GRIN2A: variants seen among roughly 807,000 people sequenced by gnomAD.
The protein encoded by GRIN2A is glutamate ionotropic receptor NMDA type subunit 2A, also known as glutamate receptor ionotropic, NMDA 2A.
A neutral mutation model predicts 113.4 loss-of-function variants in GRIN2A; 22 were observed. That is an observed-to-expected ratio of 0.19 (90% CI 0.14 to 0.28). The LOEUF is 0.28. GRIN2A is among the 10% of genes least tolerant of loss of function. GRIN2A has a pLI of 1.00. For missense variants in GRIN2A, 1,502 were observed against 1,887.0 expected (o/e 0.80, Z 3.78); for synonymous variants, 827 against 738.4 (o/e 1.12, Z -1.94).
chr16:9,883,206 A>C (rs767470591), intron 4 of GRIN2A, among the ~76,000 whole-genome samples: 22 of 152,172 alleles, frequency 1.4e-4, no homozygotes, highest in Admixed American at 5.2e-4. Flanking sequence ...ATGAATGTAA[A>C]ATTGTCATCA....
At chr16:9,918,909 A>G (rs77791614) in intron 3 of GRIN2A, among the ~76,000 whole-genome samples, 1 of 152,136 alleles carries the variant, frequency 6.6e-6, no homozygotes, top group African/African-American at 2.4e-5. Flanking sequence ...GCGGTGGCTC[A>G]TGCCTGTAAT....
chr16:9,910,654 C>T (rs1246115490), intron 3 of GRIN2A, among the ~76,000 whole-genome samples: 1 of 151,120 alleles, frequency 6.6e-6, no homozygotes, highest in African/African-American at 2.4e-5. Context: ...TCTCCTGCCT[C>T]AGCCTCCTGA....
At chr16:9,974,187 T>G (rs1426954832) in intron 2 of GRIN2A, among the ~76,000 whole-genome samples, 1 of 152,188 alleles carries the variant, frequency 6.6e-6, no homozygotes, top group Non-Finnish European at 1.5e-5. Context: ...CACATTGTTT[T>G]ATACGGTTTT....
intron 12 of GRIN2A, among the ~76,000 whole-genome samples, chr16:9,768,498 G>A (rs1484574138): frequency 6.6e-6 from 1 of 152,200 alleles, no homozygotes; most frequent in East Asian, 1.9e-4. Flanking sequence ...AGCAGGAGTT[G>A]AGGATGGCTG....
At chr16:10,014,564 A>G (rs566507533) in intron 2 of GRIN2A, among the ~76,000 whole-genome samples, 1 of 152,340 alleles carries the variant, frequency 6.6e-6, no homozygotes, top group Admixed American at 6.5e-5. Flanking sequence ...GTCTAGCAGG[A>G]CAGACAGAGG....
Position 10,004,491 on chromosome 16 carries a change from T to C in GRIN2A, c.415-65940A>G, listed in dbSNP as rs547918540. Among the ~76,000 whole-genome samples the C allele has an allele frequency of 1.9e-4, 29 of 152,294 alleles. No individual in the cohort carries two copies. The South Asian group carries it at 5.4e-3, about 28-fold the overall frequency. ...AGTGTACATTTATTCCTTAGAGTCA[T>C]GGATGTCAGAATTCCCAAATCAGTT... is the stretch of plus-strand genomic sequence containing the variant. On this transcript the variant is annotated intron_variant, in intron 2 of 12. Transcript: ENST00000330684.
intron 2 of GRIN2A, among the ~76,000 whole-genome samples, chr16:10,039,811 G>T (rs1182837287): frequency 1.1e-5 from 1 of 90,984 alleles, no homozygotes; most frequent in Admixed American, 1.1e-4. Flanking sequence ...AGGGGGGGGA[G>T]AAAGAGAGAG....
At chr16:9,975,573 C>A (rs552111515) in intron 2 of GRIN2A, among the ~76,000 whole-genome samples, 1 of 152,086 alleles carries the variant, frequency 6.6e-6, no homozygotes, top group African/African-American at 2.4e-5. Context: ...GTGAATCATT[C>A]GTCACAGCAG....
intron 11 of GRIN2A, among the ~76,000 whole-genome samples, chr16:9,783,727 A>G (rs1234232800): frequency 6.6e-6 from 1 of 152,230 alleles, no homozygotes; most frequent in Non-Finnish European, 1.5e-5. Flanking sequence ...GAGTGATTGG[A>G]TGGCAACTGA....
At chr16:10,037,165 G>C (rs1227357257) in intron 2 of GRIN2A, 1 of 152,160 alleles carries the variant, frequency 6.6e-6, no homozygotes, top group African/African-American at 2.4e-5. Context: ...ATTTGCCCGT[G>C]TCCTTATGCA....
At chr16:10,168,987 T>C (rs867503999) in intron 2 of GRIN2A, among the ~76,000 whole-genome samples, 74 of 140,846 alleles carry the variant, frequency 5.3e-4, no homozygotes, top group Non-Finnish European at 9.3e-4. Context: ...ATAATAATAA[T>C]AATAATAATA....
intron 4 of GRIN2A, among the ~76,000 whole-genome samples, chr16:9,882,961 C>T (rs541265622): frequency 3.3e-5 from 5 of 152,084 alleles, no homozygotes; most frequent in East Asian, 1.9e-4. Flanking sequence ...ACCTCCTTCC[C>T]GCTGCCAGTT....
intron 2 of GRIN2A, among the ~76,000 whole-genome samples, chr16:10,061,848 A>G (rs778898596): frequency 1.3e-5 from 2 of 152,226 alleles, no homozygotes; most frequent in Non-Finnish European, 2.9e-5. Flanking sequence ...CAGAGGGGAC[A>G]CCTTCATAAA....
chr16:10,053,976 G>A (rs949291955), intron 2 of GRIN2A, among the ~76,000 whole-genome samples: 1 of 151,436 alleles, frequency 6.6e-6, no homozygotes, highest in Admixed American at 6.6e-5. Flanking sequence ...AAAAGTAATC[G>A]TGGTTTGTAA....
At chr16:10,119,530 C>T (rs546273718) in intron 2 of GRIN2A, among the ~76,000 whole-genome samples, 2 of 152,232 alleles carry the variant, frequency 1.3e-5, no homozygotes, top group African/African-American at 4.8e-5. Context: ...GGAAGGAAGG[C>T]GGCTTTTTGT....
intron 2 of GRIN2A, among the ~76,000 whole-genome samples, chr16:10,139,997 T>A (rs571045468): frequency 6.6e-6 from 1 of 152,038 alleles, no homozygotes; most frequent in African/African-American, 2.4e-5. Flanking sequence ...AAATGAGAAA[T>A]AGGAATCTAT....
At position 9,892,503 on chromosome 16, in the gene GRIN2A, G is replaced by A. The variant is rs138157053; in HGVS notation, c.1008-1403C>T. Among the ~76,000 whole-genome samples the A allele has an allele frequency of 6.7e-3, 1,027 of 152,260 alleles. 3 individuals carry two copies. Among genetic ancestry groups the A allele is most frequent in the Non-Finnish European group, 9.9e-3 (670 of 68,018 alleles). ...TGGAGAGATATTTAGGAGGTATTTA[G>A]TGAAAGATTAGATGAGGGGAAGGGA... On this transcript the variant is annotated intron_variant, in intron 3 of 12. Coordinates refer to ENST00000330684, the MANE Select transcript of GRIN2A (RefSeq NM_001134407.3).
At chr16:10,177,881 C>T (rs2050181431) in intron 2 of GRIN2A, among the ~76,000 whole-genome samples, 1 of 152,194 alleles carries the variant, frequency 6.6e-6, no homozygotes, top group African/African-American at 2.4e-5. Context: ...CTTCTCTCTG[C>T]CTACGTTCGG....
In GRIN2A at chr16:10,026,946, C is replaced by T. The variant is rs555718772; in HGVS notation, c.415-88395G>A. ...CTGCCTGTTCTCAAGTGGACCCTCC[C>T]GTGAAGATGGCTCTATTTCAAATCA... is the stretch of plus-strand genomic sequence containing the variant. On this transcript the variant is annotated intron_variant, in intron 2 of 12. Transcript: ENST00000330684. 4.6e-5 allele frequency among the ~76,000 whole-genome samples: 7 copies of T among 152,302 alleles called. No homozygotes were observed. The South Asian group carries it at 1.0e-3, about 23-fold the overall frequency.
Sources: gnomAD v4.1 joint callset for allele counts (sites outside exome capture counted in the v4.1 genomes callset) on GRCh38, gnomAD v4.1.1 for gene constraint, MANE v1.5 for transcripts, NCBI Gene and HGNC (gene_info 2026-07-23, HGNC 2026-07-21) for gene names.